The following GMDS variants were observed in gnomAD, a reference collection of about 807,000 sequenced individuals.
GMDS encodes the protein GDP-mannose 4,6-dehydratase, also known as GDP-mannose 4,6 dehydratase.
In GMDS, 20 loss-of-function variants were observed where a neutral mutation model predicts 49.9. The observed-to-expected ratio is 0.40, with a 90% CI of 0.28 to 0.58. GMDS has a LOEUF of 0.58. Among genes scored for constraint, GMDS ranks in the 20% least tolerant of loss-of-function variants. The probability of loss-of-function intolerance (pLI) is 0.42; values close to 1 mark genes in which losing one functional copy is unlikely to be tolerated. For synonymous variants in GMDS, 177 were observed against 178.6 expected (o/e 0.99, Z 0.07); for missense variants, 362 against 481.4 (o/e 0.75, Z 2.32).
At chr6:2,205,844 C>A (rs1394156008) in intron 1 of GMDS, among the ~76,000 whole-genome samples, 3 of 152,052 alleles carry the variant, frequency 2.0e-5, no homozygotes, top group Non-Finnish European at 4.4e-5. Context: ...ATAATGATAT[C>A]AATTTCTTTA....
chr6:1,768,028 A>C (rs887608222), intron 7 of GMDS, among the ~76,000 whole-genome samples: 2 of 151,950 alleles, frequency 1.3e-5, no homozygotes, highest in Non-Finnish European at 2.9e-5. Context: ...ATAAAGGTAA[A>C]AAGTGGGTCT....
chr6:1,959,395 T>C (rs754548391), intron 6 of GMDS, among the ~76,000 whole-genome samples: 6 of 152,218 alleles, frequency 3.9e-5, no homozygotes, highest in Non-Finnish European at 7.4e-5. Flanking sequence ...TTTAAAATAA[T>C]TTAGAAGCAT....
chr6:1,739,203 T>C (rs1332725848), intron 8 of GMDS, among the ~76,000 whole-genome samples: 1 of 152,222 alleles, frequency 6.6e-6, no homozygotes, highest in East Asian at 1.9e-4. Context: ...GAGGAGCGTC[T>C]TGGGTCACAA....
intron 9 of GMDS, among the ~76,000 whole-genome samples, chr6:1,718,573 C>T (rs1042995714): frequency 6.6e-6 from 1 of 152,118 alleles, no homozygotes; most frequent in Non-Finnish European, 1.5e-5. Flanking sequence ...TACACCCACC[C>T]CACCCCGGGC....
At chr6:1,981,887 G>A (rs1561944339) in intron 4 of GMDS, among the ~76,000 whole-genome samples, 1 of 152,178 alleles carries the variant, frequency 6.6e-6, no homozygotes, top group Non-Finnish European at 1.5e-5. Flanking sequence ...ATCAATAAAT[G>A]TGATTCATCA....
chr6:2,163,891 G>T (rs141948488), intron 1 of GMDS, among the ~76,000 whole-genome samples: 447 of 152,314 alleles, frequency 2.9e-3, no homozygotes, highest in Middle Eastern at 0.017. Context: ...CTTCCAGGAT[G>T]CTGGGGCTCC....
intron 9 of GMDS, among the ~76,000 whole-genome samples, chr6:1,717,067 C>T (rs1766201788): frequency 6.6e-6 from 1 of 152,228 alleles, no homozygotes; most frequent in South Asian, 2.1e-4. Flanking sequence ...AAGTGATTAA[C>T]TCAGTATTCC....
At chr6:1,652,627 T>A (rs1207978963) in intron 9 of GMDS, among the ~76,000 whole-genome samples, 1 of 6,914 alleles carries the variant, frequency 1.4e-4, no homozygotes, top group African/African-American at 4.5e-4. Flanking sequence ...ATATATTATT[T>A]ATATATAATA....
At chr6:1,656,721 G>A (rs1247936732) in intron 9 of GMDS, among the ~76,000 whole-genome samples, 2 of 151,234 alleles carry the variant, frequency 1.3e-5, no homozygotes, top group African/African-American at 2.4e-5. Flanking sequence ...CCGAGATCGC[G>A]CCACTGCACT....
chr6:1,949,328 C>G (rs887108073), intron 6 of GMDS, among the ~76,000 whole-genome samples: 1 of 150,754 alleles, frequency 6.6e-6, no homozygotes, highest in African/African-American at 2.5e-5. Context: ...CAAATGCACA[C>G]AGCTGATGAT....
At chr6:1,651,068 T>C (rs1375177633) in intron 9 of GMDS, among the ~76,000 whole-genome samples, 1 of 152,188 alleles carries the variant, frequency 6.6e-6, no homozygotes, top group Non-Finnish European at 1.5e-5. Context: ...GGGCCCTGCA[T>C]GGGAGGAAAA....
At position 1,772,701 on chromosome 6, in the gene GMDS, G is replaced by A. The variant is rs546814979; in HGVS notation, c.772-30115C>T. On this transcript the variant is annotated intron_variant, in intron 7 of 10. Transcript: ENST00000380815. Reference sequence around the variant, plus strand: ...AAACCAGCTGATGACTGCAGACGAAGCCTGGCTGAAAAACTGGTCAGGGTT... The same window carrying A: ...AAACCAGCTGATGACTGCAGACGAAACCTGGCTGAAAAACTGGTCAGGGTT... Among the ~76,000 whole-genome samples, 12 of 152,288 alleles carry A rather than the reference G, an allele frequency of 7.9e-5. No homozygotes were observed. The South Asian group carries it at 2.5e-3, about 32-fold the overall frequency.
intron 1 of GMDS, among the ~76,000 whole-genome samples, chr6:2,128,692 C>A (rs1448448966): frequency 6.6e-6 from 1 of 152,170 alleles, no homozygotes; most frequent in Non-Finnish European, 1.5e-5. Context: ...TAATAAGAGA[C>A]CATAAAAGAT....
chr6:1,729,742 C>A (rs1250054350), intron 8 of GMDS, among the ~76,000 whole-genome samples: 1 of 152,166 alleles, frequency 6.6e-6, no homozygotes, highest in African/African-American at 2.4e-5. Context: ...TTACTACCCA[C>A]GAATTGAGAT....
At position 2,000,184 on chromosome 6, in the gene GMDS, C is replaced by T. The variant is rs1345383119; in HGVS notation, c.346-39218G>A. 6.9e-5 allele frequency among the ~76,000 whole-genome samples: 10 copies of T among 145,796 alleles called. No individual in the cohort carries two copies. In the South Asian group the frequency reaches 1.3e-3, roughly 19 times the overall value. ...CCAAGTAGCTGGGACTACAGGCGCC[C>T]GCCACCATGCCCGGCTAATTTTTTG... On this transcript the variant is annotated intron_variant, in intron 4 of 10. Coordinates refer to ENST00000380815, the MANE Select transcript of GMDS (RefSeq NM_001500.4).
intron 4 of GMDS, among the ~76,000 whole-genome samples, chr6:2,069,606 A>G (rs956176853): frequency 1.3e-5 from 2 of 152,234 alleles, no homozygotes; most frequent in Admixed American, 6.5e-5. Context: ...AAGTGGGCGA[A>G]GGACATGAAC....
intron 4 of GMDS, among the ~76,000 whole-genome samples, chr6:2,107,546 G>T (rs114080719): frequency 2.0e-5 from 3 of 152,162 alleles, no homozygotes; most frequent in African/African-American, 7.2e-5. Context: ...GCAATTTTGC[G>T]CTGTAACAAA....
At position 1,833,944 on chromosome 6, in the gene GMDS, C is replaced by T. The variant is rs1319622159; in HGVS notation, c.772-91358G>A. On this transcript the variant is annotated intron_variant, in intron 7 of 10. Coordinates refer to ENST00000380815, the MANE Select transcript of GMDS (RefSeq NM_001500.4). This position sits in a 1 kb window ranked among gnomAD's most constrained non-coding sequence, Gnocchi z 4.4. ...ATCGCATCAAATCCATAGAACAACT[C>T]TAATATTCTTACTCACTCAAAAATG... Among the ~76,000 whole-genome samples the T allele has an allele frequency of 6.6e-6, 1 of 152,116 alleles. No homozygotes were observed. The highest frequency in any genetic ancestry group is 1.5e-5 in the Non-Finnish European group (1 of 68,030).
intron 4 of GMDS, among the ~76,000 whole-genome samples, chr6:2,049,236 T>G (rs1770214304): frequency 6.6e-6 from 1 of 152,234 alleles, no homozygotes; most frequent in Non-Finnish European, 1.5e-5. Context: ...CAGTAATTTA[T>G]CTATAGATTC....
Sources: allele counts gnomAD v4.1 joint callset (sites outside exome capture counted in the v4.1 genomes callset), GRCh38; gene constraint gnomAD v4.1.1; non-coding constraint Gnocchi (gnomAD v3.1); transcripts MANE v1.5; gene names NCBI Gene and HGNC (gene_info 2026-07-23, HGNC 2026-07-21).